Variants in STK24 observed in about 807,000 individuals in gnomAD.
STK24 encodes the protein serine/threonine kinase 24, also known as serine/threonine-protein kinase 24.
Under a neutral mutation model 55.6 loss-of-function variants are expected in STK24, and 21 were observed. That is an observed-to-expected ratio of 0.38 (90% CI 0.27 to 0.54). The LOEUF (loss-of-function observed/expected upper bound fraction) is 0.54, where lower values mean the gene tolerates loss of function less well. STK24 is among the 20% of genes least tolerant of loss of function. STK24 has a pLI of 0.79. For synonymous variants in STK24, 200 were observed against 215.2 expected, an observed-to-expected ratio of 0.93 and a Z score of 0.62; for missense variants, 383 against 538.4, an observed-to-expected ratio of 0.71 and a Z score of 2.86.
At chr13:98,554,831 A>G (rs553743284) in intron 1 of STK24, among the ~76,000 whole-genome samples, 67 of 152,178 alleles carry the variant, frequency 4.4e-4, no homozygotes, top group Non-Finnish European at 4.9e-4. Context: ...CTTGACCAAC[A>G]TGGTGAAACC....
chr13:98,464,694 A>G (rs1262516402), intron 6 of STK24, among the ~76,000 whole-genome samples: 2 of 151,614 alleles, frequency 1.3e-5, no homozygotes, highest in Non-Finnish European at 2.9e-5. Context: ...ACGGGATTTC[A>G]CCATGTTAGC....
chr13:98,504,043 A>C (rs1217926072), intron 2 of STK24, among the ~76,000 whole-genome samples: 1 of 152,210 alleles, frequency 6.6e-6, no homozygotes, highest in African/African-American at 2.4e-5. Flanking sequence ...GAAAGATCAC[A>C]TTTGGGTTAA....
intron 5 of STK24, among the ~76,000 whole-genome samples, chr13:98,471,665 C>CAAGAT (rs1894150778): frequency 6.6e-6 from 1 of 152,178 alleles, no homozygotes; most frequent in African/African-American, 2.4e-5. Context: ...GCAGCCCAGA[C>CAAGAT]AAGATAAGGG....
At chr13:98,557,394 T>TTGGGTGCG (rs1283902515) in intron 1 of STK24, among the ~76,000 whole-genome samples, 8 of 152,218 alleles carry the variant, frequency 5.3e-5, no homozygotes, top group Non-Finnish European at 1.0e-4. Flanking sequence ...CCCCAAGGAC[T>TTGGGTGCG]TGGGTGCGTG....
chr13:98,570,900 C>A (rs1407245689), intron 1 of STK24, among the ~76,000 whole-genome samples: 3 of 152,142 alleles, frequency 2.0e-5, no homozygotes, highest in Non-Finnish European at 4.4e-5. Context: ...TGATTCTACG[C>A]GATGAGACAT....
chr13:98,558,801 A>C (rs1198157335), intron 1 of STK24, among the ~76,000 whole-genome samples: 1 of 152,140 alleles, frequency 6.6e-6, no homozygotes. Flanking sequence ...TATTTCTTAC[A>C]ATTGAAAAAC....
At chr13:98,481,646 A>G (rs1213195172) in intron 3 of STK24, among the ~76,000 whole-genome samples, 1 of 152,208 alleles carries the variant, frequency 6.6e-6, no homozygotes, top group Non-Finnish European at 1.5e-5. Context: ...TTCAGAAAAT[A>G]AGCTACCCAG....
At position 98,474,881 on chromosome 13, in the gene STK24, G is replaced by A. The variant is rs1894304230; in HGVS notation, c.537C>T (p.Phe179=). ...GTGCCATCCAGAATGGGGTGCCCAC[G>A]AAGGTGTTCCTTTTGATCTGGGTGT... ...LTDTQIKRNT[F]VGTPFWMAPE... Residue 179 remains phenylalanine, a synonymous_variant, in exon 5 of 11, where the codon TTC becomes TTT. Coordinates refer to ENST00000539966, the MANE Select transcript of STK24 (RefSeq NM_001032296.4). 3 of 1,614,164 alleles carry A rather than the reference G, an allele frequency of 1.9e-6. No individual in the cohort carries two copies. Among genetic ancestry groups the A allele is most frequent in the South Asian group, 1.1e-5 (1 of 91,082 alleles).
intron 1 of STK24, among the ~76,000 whole-genome samples, chr13:98,528,898 G>A (rs76707428): frequency 0.034 from 5,176 of 152,264 alleles, 275 homozygotes; most frequent in African/African-American, 0.12. Context: ...GAGGATGCTG[G>A]AAGGAAGCTG....
intron 1 of STK24, among the ~76,000 whole-genome samples, chr13:98,572,401 C>G (rs574848938): frequency 1.5e-4 from 23 of 152,142 alleles, no homozygotes; most frequent in African/African-American, 5.6e-4. Flanking sequence ...AACAGGGTAA[C>G]TGGGCAGGCA....
chr13:98,543,565 C>T (rs1347052128), intron 1 of STK24, among the ~76,000 whole-genome samples: 2 of 152,140 alleles, frequency 1.3e-5, no homozygotes, highest in African/African-American at 2.4e-5. Flanking sequence ...AGGGTGGGCG[C>T]GGACCCGAAG....
intron 1 of STK24, among the ~76,000 whole-genome samples, chr13:98,546,523 C>T (rs2050673525): frequency 6.6e-6 from 1 of 152,178 alleles, no homozygotes; most frequent in South Asian, 2.1e-4. Context: ...TTCCTTCAGT[C>T]CCCTGGCCAC....
At position 98,481,821 on chromosome 13, in the gene STK24, G is replaced by C. The variant is rs757948669; in HGVS notation, c.330+444C>G. 1.8e-4 allele frequency among the ~76,000 whole-genome samples: 28 copies of C among 152,226 alleles called. 1 individual carries two copies. In the East Asian group the frequency reaches 5.2e-3, roughly 28 times the overall value. ...CCCAGCACTTTGGGAGGCTGAGAGC[G>C]GGGATCACTCGAGGTCAGGAGTTTG... On this transcript the variant is annotated intron_variant, in intron 3 of 10. Transcript: ENST00000539966.
intron 2 of STK24, among the ~76,000 whole-genome samples, chr13:98,486,377 A>C (rs570810755): frequency 2.8e-4 from 42 of 152,248 alleles, no homozygotes; most frequent in African/African-American, 9.9e-4. Flanking sequence ...TGTGCCTCCA[A>C]TGAGATCCCA....
At chr13:98,551,658 T>C (rs564893269) in intron 1 of STK24, among the ~76,000 whole-genome samples, 1 of 152,112 alleles carries the variant, frequency 6.6e-6, no homozygotes, top group Non-Finnish European at 1.5e-5. Flanking sequence ...ACTGCTCAAA[T>C]GCTGACTCCT....
At chr13:98,456,629 T>C in intron 10 of STK24, 1 of 459,812 alleles carries the variant, frequency 2.2e-6, no homozygotes, top group Non-Finnish European at 4.5e-6. Flanking sequence ...CCATAGTGCA[T>C]TCAACAGGTG....
At chr13:98,462,002 A>C in intron 7 of STK24, 105 bp from the exon 8 acceptor site, 1 of 1,444,978 alleles carries the variant, frequency 6.9e-7, no homozygotes. Context: ...ACCCACACCC[A>C]CCAGCCCCAA....
intron 1 of STK24, among the ~76,000 whole-genome samples, chr13:98,538,788 T>C (rs576316503): frequency 6.6e-6 from 1 of 152,262 alleles, no homozygotes; most frequent in South Asian, 2.1e-4. Context: ...CCTCCTAGGT[T>C]CATCACTGCC....
At chr13:98,479,162 A>G (rs1326641574) in intron 3 of STK24, among the ~76,000 whole-genome samples, 1 of 152,212 alleles carries the variant, frequency 6.6e-6, no homozygotes, top group African/African-American at 2.4e-5. Flanking sequence ...CTTCTAAGTC[A>G]GGGCACCCTA....
Sources: allele counts gnomAD v4.1 joint callset (sites outside exome capture counted in the v4.1 genomes callset), GRCh38; gene constraint gnomAD v4.1.1; transcripts MANE v1.5; gene names NCBI Gene and HGNC (gene_info 2026-07-23, HGNC 2026-07-21).